The following MCU variants were observed in gnomAD, a reference collection of about 807,000 sequenced individuals.
The protein encoded by MCU is calcium uniporter protein, mitochondrial.
In MCU, 12 loss-of-function variants were observed where a neutral mutation model predicts 45.2. The ratio of observed to expected loss-of-function variants is 0.27; its 90% CI spans 0.17 to 0.43. The LOEUF (loss-of-function observed/expected upper bound fraction) is 0.43, where lower values mean the gene tolerates loss of function less well. Ranked by LOEUF, MCU falls within the 20% of genes least tolerant of loss-of-function variation. The pLI is 1.00. For synonymous variants in MCU, 160 were observed against 165.1 expected, an observed-to-expected ratio of 0.97 and a Z score of 0.24; for missense variants, 324 against 436.7, an observed-to-expected ratio of 0.74 and a Z score of 2.30.
intron 1 of MCU, among the ~76,000 whole-genome samples, chr10:72,706,594 G>C (rs1366291228): frequency 1.3e-5 from 2 of 151,146 alleles, no homozygotes; most frequent in Non-Finnish European, 2.9e-5. Context: ...CTGGAGTGCA[G>C]TGGCGTGATC....
At chr10:72,832,723 A>G (rs1844896340) in intron 1 of MCU, among the ~76,000 whole-genome samples, 1 of 152,156 alleles carries the variant, frequency 6.6e-6, no homozygotes, top group Non-Finnish European at 1.5e-5. Context: ...TACATGTATT[A>G]CTCATTTAGT....
chr10:72,816,578 G>A (rs1333455943), intron 1 of MCU, among the ~76,000 whole-genome samples: 2 of 152,144 alleles, frequency 1.3e-5, no homozygotes, highest in African/African-American at 2.4e-5. Context: ...AGAAATTTGA[G>A]AACAGCATTG....
At position 72,714,345 on chromosome 10, in the gene MCU, C is replaced by T. The variant is rs941893695; in HGVS notation, c.150+22044C>T. ...TTACTTCAGTTCCCCCCGCCCTGGTCTTTTTTTTTTTTTTTTTTTTTTTAA... is the reference window on the plus strand; with the variant it reads ...TTACTTCAGTTCCCCCCGCCCTGGTTTTTTTTTTTTTTTTTTTTTTTTTAA... On this transcript the variant is annotated intron_variant, in intron 1 of 7. Coordinates refer to ENST00000373053, the MANE Select transcript of MCU (RefSeq NM_138357.3). 4.4e-3 allele frequency among the ~76,000 whole-genome samples: 239 copies of T among 54,650 alleles called. 1 individual carries two copies. Among genetic ancestry groups the T allele is most frequent in the Non-Finnish European group, 5.7e-3 (144 of 25,122 alleles). 35.9% of individuals were successfully genotyped at this position (54,650 alleles called of 152,430 possible).
chr10:72,871,324 CT>C, intron 5 of MCU, 52 bp from the exon 6 acceptor site: 1 of 1,550,210 alleles, frequency 6.5e-7, no homozygotes, highest in African/African-American at 1.4e-5. Flanking sequence ...CAGTTTAAGC[CT>C]TTTTAGATTG....
chr10:72,773,787 A>G (rs1450517370), intron 1 of MCU, among the ~76,000 whole-genome samples: 1 of 152,240 alleles, frequency 6.6e-6, no homozygotes, highest in Non-Finnish European at 1.5e-5. Flanking sequence ...CAGACTTCTC[A>G]GTGGAAACCA....
chr10:72,802,362 A>G (rs552515724), intron 1 of MCU, among the ~76,000 whole-genome samples: 1 of 152,180 alleles, frequency 6.6e-6, no homozygotes, highest in African/African-American at 2.4e-5. Context: ...TTTAAAAATA[A>G]TATTGTACTT....
At chr10:72,822,950 C>A (rs575669174) in intron 1 of MCU, among the ~76,000 whole-genome samples, 5 of 152,272 alleles carry the variant, frequency 3.3e-5, no homozygotes, top group African/African-American at 1.2e-4. Context: ...TATAAATACT[C>A]GTATGGCGAT....
At chr10:72,715,741 C>A in intron 1 of MCU, 2 of 286,506 alleles carry the variant, frequency 7.0e-6, no homozygotes, top group Non-Finnish European at 1.0e-5. Context: ...GTTGCTAAAA[C>A]CTGGTATCTT....
intron 1 of MCU, among the ~76,000 whole-genome samples, chr10:72,792,178 T>C (rs996280872): frequency 6.6e-6 from 1 of 152,218 alleles, no homozygotes; most frequent in Non-Finnish European, 1.5e-5. Flanking sequence ...AGCTAATGCG[T>C]AAATCCTTAC....
chr10:72,764,251 G>C (rs1427491681), intron 1 of MCU, among the ~76,000 whole-genome samples: 1 of 152,148 alleles, frequency 6.6e-6, no homozygotes, highest in Admixed American at 6.5e-5. Flanking sequence ...GATTGAGCCA[G>C]TTTCTGGCTT....
At chr10:72,813,380 G>A (rs1844573131) in intron 1 of MCU, among the ~76,000 whole-genome samples, 1 of 150,200 alleles carries the variant, frequency 6.7e-6, no homozygotes, top group Non-Finnish European at 1.5e-5. Flanking sequence ...ATTATAGAAG[G>A]TAATGAAAAA....
chr10:72,746,224 C>T (rs1409543416), intron 1 of MCU, among the ~76,000 whole-genome samples: 1 of 152,080 alleles, frequency 6.6e-6, no homozygotes, highest in Non-Finnish European at 1.5e-5. Context: ...GCCACACTGG[C>T]GTTGCAGTAA....
chr10:72,796,387 C>T (rs1470367495), intron 1 of MCU, among the ~76,000 whole-genome samples: 2 of 152,172 alleles, frequency 1.3e-5, no homozygotes, highest in Non-Finnish European at 2.9e-5. Context: ...TATCACTGCA[C>T]TTCAGCCTGG....
At chr10:72,883,998 G>A (rs1027041912) in intron 6 of MCU, among the ~76,000 whole-genome samples, 1 of 152,140 alleles carries the variant, frequency 6.6e-6, no homozygotes, top group Non-Finnish European at 1.5e-5. Context: ...GGGCAAGAGG[G>A]AGTTTCTGGA....
intron 1 of MCU, among the ~76,000 whole-genome samples, chr10:72,814,023 C>A (rs531314069): frequency 6.6e-6 from 1 of 152,252 alleles, no homozygotes; most frequent in South Asian, 2.1e-4. Context: ...CCTTAAAAAT[C>A]CCCTAATCTA....
At chr10:72,811,170 A>G (rs74145967) in intron 1 of MCU, among the ~76,000 whole-genome samples, 6,100 of 152,334 alleles carry the variant, frequency 0.04, 398 homozygotes, top group African/African-American at 0.14. Flanking sequence ...TGCGTAATTT[A>G]TAATGTAGGA....
intron 1 of MCU, among the ~76,000 whole-genome samples, chr10:72,729,919 A>G (rs1282151218): frequency 2.1e-5 from 3 of 140,162 alleles, no homozygotes; most frequent in African/African-American, 8.0e-5. Flanking sequence ...CTTGAGAACC[A>G]TTGCTGTGTC....
chr10:72,853,263 T>C (rs1451730932), intron 2 of MCU, among the ~76,000 whole-genome samples: 4 of 151,966 alleles, frequency 2.6e-5, no homozygotes, highest in East Asian at 1.9e-4. Flanking sequence ...CTTATGCTCA[T>C]AGAGAAAAGG....
At chr10:72,698,727 G>GCTCCTGAC (rs1842719631) in intron 1 of MCU, among the ~76,000 whole-genome samples, 1 of 152,144 alleles carries the variant, frequency 6.6e-6, no homozygotes. Flanking sequence ...CTGGTCTTGA[G>GCTCCTGAC]CTCCTGACCT....
Sources: gnomAD v4.1 joint callset for allele counts (sites outside exome capture counted in the v4.1 genomes callset) on GRCh38, gnomAD v4.1.1 for gene constraint, MANE v1.5 for transcripts, NCBI Gene and HGNC (gene_info 2026-07-23, HGNC 2026-07-21) for gene names.